The following MVB12B variants were observed in gnomAD, a reference collection of about 807,000 sequenced individuals.
MVB12B encodes multivesicular body subunit 12B.
In MVB12B, 16 loss-of-function variants were observed where a neutral mutation model predicts 41.6. That is an observed-to-expected ratio of 0.38 (90% CI 0.26 to 0.58). The LOEUF (loss-of-function observed/expected upper bound fraction) is 0.58, where lower values mean the gene tolerates loss of function less well. Ranked by LOEUF, MVB12B falls within the 20% of genes least tolerant of loss-of-function variation. The probability of loss-of-function intolerance (pLI) is 0.62; values close to 1 mark genes in which losing one functional copy is unlikely to be tolerated. For missense variants in MVB12B, 274 were observed against 380.2 expected, an observed-to-expected ratio of 0.72 and a Z score of 2.32; for synonymous variants, 133 against 139.7, an observed-to-expected ratio of 0.95 and a Z score of 0.34.
At chr9:126,446,536 C>A (rs1303134672) in intron 7 of MVB12B, among the ~76,000 whole-genome samples, 2 of 143,896 alleles carry the variant, frequency 1.4e-5, no homozygotes. Flanking sequence ...AAAATCCTGT[C>A]TGAACTATGT....
At chr9:126,422,151 T>C (rs1175423512) in intron 7 of MVB12B, among the ~76,000 whole-genome samples, 1 of 152,302 alleles carries the variant, frequency 6.6e-6, no homozygotes, top group African/African-American at 2.4e-5. Context: ...ATACTCAGCA[T>C]GTTTTGAAAC....
At chr9:126,446,938 C>CTTTT (rs33991689) in intron 7 of MVB12B, among the ~76,000 whole-genome samples, 63 of 104,310 alleles carry the variant, frequency 6.0e-4, no homozygotes, top group Non-Finnish European at 7.2e-4. Flanking sequence ...TTTTAACTTT[C>CTTTT]TTTTTTTTTT....
Position 126,367,587 on chromosome 9 carries a change from CT to C in MVB12B, c.205-13475del, listed in dbSNP as rs1830217582. On this transcript the variant is annotated intron_variant, in intron 2 of 9. Transcript: ENST00000361171. This position sits in a 1 kb window ranked among gnomAD's most constrained non-coding sequence, Gnocchi z 4.3. ...CTGCCTCTTCTCCTTCTGCCTTATG[CT>C]TGCTTTTGAGAGCTCTCAGCACTTG... Among the ~76,000 whole-genome samples the C allele has an allele frequency of 6.6e-6, 1 of 152,218 alleles. No homozygotes were observed. The highest frequency in any genetic ancestry group is 2.4e-5 in the African/African-American group (1 of 41,442).
chr9:126,501,097 C>T (rs868548389), intron 9 of MVB12B, among the ~76,000 whole-genome samples: 1 of 152,232 alleles, frequency 6.6e-6, no homozygotes, highest in South Asian at 2.1e-4. Context: ...TGGCGCAGCT[C>T]CCCCTCCTCA....
At chr9:126,373,291 C>T (rs1830391826) in intron 2 of MVB12B, among the ~76,000 whole-genome samples, 1 of 152,236 alleles carries the variant, frequency 6.6e-6, no homozygotes, top group South Asian at 2.1e-4. Context: ...GAGCACACCA[C>T]CTGTTAGGGA....
At chr9:126,394,710 AAG>A (rs1831054955) in intron 5 of MVB12B, among the ~76,000 whole-genome samples, 1 of 152,184 alleles carries the variant, frequency 6.6e-6, no homozygotes, top group Non-Finnish European at 1.5e-5. Context: ...TCACTCATCT[AAG>A]AAGACAGGAT....
chr9:126,503,816 G>A lies in MVB12B; in HGVS notation c.*553G>A, dbSNP rs1213793313. ...CCCTGAGAAGACATGGGAGGAAGAA[G>A]CCAGTGGCCCTGGGGTGGACCCTGC... is the stretch of plus-strand genomic sequence containing the variant. On this transcript the variant is annotated 3_prime_UTR_variant, in exon 10 of 10. Transcript: ENST00000361171. 1 of 153,738 alleles carries A rather than the reference G, an allele frequency of 6.5e-6. No individual in the cohort carries two copies. Among genetic ancestry groups the A allele is most frequent in the Non-Finnish European group, 1.4e-5 (1 of 69,144 alleles). The allele number at this position is 153,738 out of a possible 1,614,324, so 9.5% of individuals were successfully genotyped here. A position where few individuals can be genotyped will look rare whatever the true frequency, so the allele number is the denominator to read the frequency against.
intron 2 of MVB12B, among the ~76,000 whole-genome samples, chr9:126,369,588 T>C (rs1830278486): frequency 6.6e-6 from 1 of 152,228 alleles, no homozygotes. Context: ...TCACACTTTA[T>C]ATAGGTGATA....
chr9:126,451,461 A>C (rs1380042260), intron 7 of MVB12B, among the ~76,000 whole-genome samples: 1 of 152,126 alleles, frequency 6.6e-6, no homozygotes, highest in African/African-American at 2.4e-5. Context: ...AAATGATCCC[A>C]AGAGCTGCAG....
intron 7 of MVB12B, among the ~76,000 whole-genome samples, chr9:126,429,317 C>G (rs1262210782): frequency 6.6e-6 from 1 of 152,118 alleles, no homozygotes; most frequent in Non-Finnish European, 1.5e-5. Flanking sequence ...GGGAATTGAT[C>G]GCATGGTGTA....
In MVB12B at chr9:126,478,319, AG is replaced by A. The variant is rs1833457977; in HGVS notation, c.758-3048del. On this transcript the variant is annotated intron_variant, in intron 7 of 9. Coordinates refer to ENST00000361171, the MANE Select transcript of MVB12B (RefSeq NM_033446.3). This position sits in a 1 kb window ranked among gnomAD's most constrained non-coding sequence, Gnocchi z 4.2. The stretch of plus-strand genomic sequence containing the variant: ...CCTGAGAGAGTTAGGCACTTGCCCC[AG>A]GCTGGAGCCCTCTACCCAGTTCCCC... 6.6e-6 allele frequency among the ~76,000 whole-genome samples: 1 copy of A among 152,084 alleles called. No individual in the cohort carries two copies. Among genetic ancestry groups the A allele is most frequent in the Non-Finnish European group, 1.5e-5 (1 of 68,008 alleles).
intron 6 of MVB12B, among the ~76,000 whole-genome samples, chr9:126,406,501 C>T (rs1831430567): frequency 6.6e-6 from 1 of 152,220 alleles, no homozygotes; most frequent in Non-Finnish European, 1.5e-5. Context: ...TGGCAGTCCC[C>T]CGACTCTTGA....
rs560849737 is a variant in MVB12B at position 126,434,558 on chromosome 9, G to A, written c.757+12610G>A. On this transcript the variant is annotated intron_variant, in intron 7 of 9. Transcript: ENST00000361171. Reference sequence around the variant, plus strand: ...GTGACACACTTAGAAGTCCTTAATCGCTTGCTACCTAGAGGCAATAAACAC... The same window carrying A: ...GTGACACACTTAGAAGTCCTTAATCACTTGCTACCTAGAGGCAATAAACAC... Among the ~76,000 whole-genome samples, 40 of 152,260 alleles carry A rather than the reference G, an allele frequency of 2.6e-4. 1 individual carries two copies. The highest frequency in any genetic ancestry group is 2.3e-3 in the Admixed American group (35 of 15,300).
intron 5 of MVB12B, among the ~76,000 whole-genome samples, chr9:126,393,157 T>C (rs1465952318): frequency 1.3e-5 from 2 of 152,218 alleles, no homozygotes; most frequent in African/African-American, 4.8e-5. Flanking sequence ...CTTAGGGCTC[T>C]GTTGATTGTA....
At chr9:126,441,547 AT>A (rs1355216697) in intron 7 of MVB12B, among the ~76,000 whole-genome samples, 2 of 152,232 alleles carry the variant, frequency 1.3e-5, no homozygotes, top group African/African-American at 4.8e-5. Context: ...TCTCTGCAAG[AT>A]TTCTGGGGCT....
chr9:126,376,064 CTT>C lies in MVB12B; in HGVS notation c.205-4996_205-4995del, dbSNP rs997246370. 3.3e-5 allele frequency among the ~76,000 whole-genome samples: 5 copies of C among 152,034 alleles called. No homozygotes were observed. Among genetic ancestry groups the C allele is most frequent in the Non-Finnish European group, 5.9e-5 (4 of 67,992 alleles). On this transcript the variant is annotated intron_variant, in intron 2 of 9. Coordinates refer to ENST00000361171, the MANE Select transcript of MVB12B (RefSeq NM_033446.3). This position sits in a 1 kb window ranked among gnomAD's most constrained non-coding sequence, Gnocchi z 4.1. ...TTTATTTTAAAAGTTCTTTCTGAAACTTTTTGTTAGCTGGATGTTGTCTTGAC... is the reference window on the plus strand; with the variant it reads ...TTTATTTTAAAAGTTCTTTCTGAAACTTTGTTAGCTGGATGTTGTCTTGAC...
chr9:126,460,786 T>C (rs1247917856), intron 7 of MVB12B, among the ~76,000 whole-genome samples: 1 of 152,172 alleles, frequency 6.6e-6, no homozygotes, highest in Non-Finnish European at 1.5e-5. Flanking sequence ...GCTCCACCTC[T>C]GCTGGCAGGT....
chr9:126,407,244 C>T (rs1464511489), intron 6 of MVB12B, among the ~76,000 whole-genome samples: 3 of 152,088 alleles, frequency 2.0e-5, no homozygotes, highest in South Asian at 2.1e-4. Context: ...AGCGTTTTTA[C>T]GGCCAGGATG....
chr9:126,366,411 TA>T (rs973625971), intron 2 of MVB12B, among the ~76,000 whole-genome samples: 3 of 151,552 alleles, frequency 2.0e-5, no homozygotes, highest in African/African-American at 7.3e-5. Context: ...TAGAAGATGT[TA>T]AAAAGCACAA....
Sources: allele counts gnomAD v4.1 joint callset (sites outside exome capture counted in the v4.1 genomes callset), GRCh38; gene constraint gnomAD v4.1.1; non-coding constraint Gnocchi (gnomAD v3.1); transcripts MANE v1.5; gene names NCBI Gene and HGNC (gene_info 2026-07-23, HGNC 2026-07-21).